Variants in PLXNA4 observed in about 807,000 individuals in gnomAD.
The protein encoded by PLXNA4 is plexin-A4.
In PLXNA4, 44 loss-of-function variants were observed where a neutral mutation model predicts 191.8. The ratio of observed to expected loss-of-function variants is 0.23; its 90% CI spans 0.18 to 0.29. The LOEUF is 0.29. Among genes scored for constraint, PLXNA4 ranks in the 10% least tolerant of loss-of-function variants. The probability of loss-of-function intolerance (pLI) is 1.00; values close to 1 mark genes in which losing one functional copy is unlikely to be tolerated. For synonymous variants in PLXNA4, 1,082 were observed against 1,009.5 expected (o/e 1.07, Z -1.36); for missense variants, 1,800 against 2,488.8 (o/e 0.72, Z 5.89).
intron 3 of PLXNA4, among the ~76,000 whole-genome samples, chr7:132,406,626 CA>C (rs998648456): frequency 6.7e-6 from 1 of 149,634 alleles, no homozygotes; most frequent in African/African-American, 2.5e-5. Flanking sequence ...TTTATAAAAC[CA>C]AAAAAAAAGA....
intron 1 of PLXNA4, among the ~76,000 whole-genome samples, chr7:132,566,486 A>T (rs928776619): frequency 6.6e-6 from 1 of 152,208 alleles, no homozygotes; most frequent in Non-Finnish European, 1.5e-5. Context: ...TCTTCCCAAG[A>T]GAAAATTTGT....
chr7:132,349,619 C>T (rs917153307), intron 3 of PLXNA4, among the ~76,000 whole-genome samples: 1 of 152,146 alleles, frequency 6.6e-6, no homozygotes, highest in Non-Finnish European at 1.5e-5. Context: ...GGAGCTCATC[C>T]TAATAATGAA....
intron 3 of PLXNA4, among the ~76,000 whole-genome samples, chr7:132,329,846 G>T (rs1447188535): frequency 6.6e-6 from 1 of 152,104 alleles, no homozygotes; most frequent in African/African-American, 2.4e-5. Flanking sequence ...CCTAGGCCTG[G>T]TCATTCTGAG....
intron 3 of PLXNA4, among the ~76,000 whole-genome samples, chr7:132,337,935 T>C (rs892999692): frequency 1.3e-5 from 2 of 152,228 alleles, no homozygotes; most frequent in African/African-American, 4.8e-5. Context: ...GAAGTTCTGC[T>C]GACTGTCTGC....
At chr7:132,145,036 G>A (rs1795377507) in intron 29 of PLXNA4, 83 bp downstream of exon 29, 1 of 1,599,876 alleles carries the variant, frequency 6.3e-7, no homozygotes. Flanking sequence ...CCTTCTCCTG[G>A]AGGCCCAGAG....
intron 1 of PLXNA4, among the ~76,000 whole-genome samples, chr7:132,547,921 C>G (rs1800381191): frequency 6.6e-6 from 1 of 152,142 alleles, no homozygotes; most frequent in African/African-American, 2.4e-5. Context: ...ATCCCAAGAC[C>G]ACTATGACCA....
At chr7:132,284,753 A>T (rs1247097908) in intron 4 of PLXNA4, among the ~76,000 whole-genome samples, 3 of 152,214 alleles carry the variant, frequency 2.0e-5, no homozygotes, top group African/African-American at 7.2e-5. Flanking sequence ...GAATGATGGA[A>T]GAAAAATATT....
chr7:132,637,268 CT>C, intron 2 of PLXNA4, among the ~76,000 whole-genome samples: 1 of 152,202 alleles, frequency 6.6e-6, no homozygotes, highest in African/African-American at 2.4e-5. Context: ...GATGAATTAC[CT>C]TCTTGATCTC....
At chr7:132,354,233 A>G (rs529783343) in intron 3 of PLXNA4, among the ~76,000 whole-genome samples, 11 of 152,210 alleles carry the variant, frequency 7.2e-5, no homozygotes, top group African/African-American at 2.6e-4. Flanking sequence ...GCCTGTGCAT[A>G]TTAAGGGGTT....
At chr7:132,172,453 C>T (rs1311160286) in intron 21 of PLXNA4, among the ~76,000 whole-genome samples, 1 of 152,180 alleles carries the variant, frequency 6.6e-6, no homozygotes, top group Non-Finnish European at 1.5e-5. Context: ...TCCTTCTTCA[C>T]ACTTCCAGAG....
intron 3 of PLXNA4, among the ~76,000 whole-genome samples, chr7:132,450,289 C>T (rs1486720439): frequency 6.6e-6 from 1 of 152,206 alleles, no homozygotes; most frequent in East Asian, 1.9e-4. Flanking sequence ...CTGGCCTCTA[C>T]TCTTCCTCAG....
In PLXNA4 at chr7:132,386,755, T is replaced by C. The variant is rs184714107; in HGVS notation, c.1372-88533A>G. The stretch of plus-strand genomic sequence containing the variant: ...GATGAGGATATTCCAGGGACCTGGC[T>C]CGAGAGCCTCAGCAGGGATCATGTT... On this transcript the variant is annotated intron_variant, in intron 3 of 31. Coordinates refer to ENST00000321063, the MANE Select transcript of PLXNA4 (RefSeq NM_020911.2). Among the ~76,000 whole-genome samples, 384 of 152,282 alleles carry C rather than the reference T, an allele frequency of 2.5e-3. 1 individual carries two copies. Among genetic ancestry groups the C allele is most frequent in the African/African-American group, 8.8e-3 (365 of 41,546 alleles).
rs529088239 is a variant in PLXNA4 at position 132,454,914 on chromosome 7, T to A, written c.1371+34378A>T. On this transcript the variant is annotated intron_variant, in intron 3 of 31. Transcript: ENST00000321063. ...TGCTATGGCAGCCTTAGCAAACTCA[T>A]CCAGATCTCTTCCTGTCCTACGGTG... Among the ~76,000 whole-genome samples the A allele has an allele frequency of 4.6e-5, 7 of 152,306 alleles. No individual in the cohort carries two copies. The East Asian group carries it at 1.4e-3, about 29-fold the overall frequency.
At chr7:132,568,027 C>T (rs1392045952) in intron 1 of PLXNA4, among the ~76,000 whole-genome samples, 1 of 152,126 alleles carries the variant, frequency 6.6e-6, no homozygotes, top group Non-Finnish European at 1.5e-5. Flanking sequence ...ACAAGCACAG[C>T]ATGACCATTA....
At chr7:132,480,093 C>T (rs558890803) in intron 3 of PLXNA4, among the ~76,000 whole-genome samples, 14 of 152,344 alleles carry the variant, frequency 9.2e-5, no homozygotes, top group East Asian at 7.7e-4. Context: ...AAAGCCAACA[C>T]GGCCTCAGGC....
At chr7:132,404,285 A>T (rs886677572) in intron 3 of PLXNA4, among the ~76,000 whole-genome samples, 4 of 152,198 alleles carry the variant, frequency 2.6e-5, no homozygotes, top group Non-Finnish European at 5.9e-5. Flanking sequence ...GTCCCAAGAA[A>T]GCTTTCCAAA....
Position 132,576,387 on chromosome 7 carries a change from G to A in PLXNA4, c.-87+35C>T, listed in dbSNP as rs1371446476. ...TCCGACCTTGCTGCCCTCGCCGCCC[G>A]CCCGGCCCCACTCCCCGGCGGGCCG... On this transcript the variant is annotated intron_variant, in intron 1 of 31. Transcript: ENST00000321063. The surrounding 1 kb of genome is among the most constrained non-coding windows in gnomAD (Gnocchi z 5.8). 34 of 985,620 alleles carry A rather than the reference G, an allele frequency of 3.4e-5. No individual in the cohort carries two copies. Among genetic ancestry groups the A allele is most frequent in the Non-Finnish European group, 3.9e-5 (32 of 829,982 alleles). 61.1% of individuals were successfully genotyped at this position (985,620 alleles called of 1,614,324 possible).
At chr7:132,516,454 T>C (rs1408480413) in intron 1 of PLXNA4, among the ~76,000 whole-genome samples, 1 of 152,052 alleles carries the variant, frequency 6.6e-6, no homozygotes, top group Non-Finnish European at 1.5e-5. Context: ...AGGAAATCAG[T>C]ATGGACCTGG....
At chr7:132,262,104 C>G (rs1382534171) in intron 4 of PLXNA4, among the ~76,000 whole-genome samples, 1 of 152,196 alleles carries the variant, frequency 6.6e-6, no homozygotes, top group Admixed American at 6.5e-5. Context: ...CCCGGGTTGC[C>G]CCCCTTTCCC....
Sources: allele counts gnomAD v4.1 joint callset (sites outside exome capture counted in the v4.1 genomes callset), GRCh38; gene constraint gnomAD v4.1.1; non-coding constraint Gnocchi (gnomAD v3.1); transcripts MANE v1.5; gene names NCBI Gene and HGNC (gene_info 2026-07-23, HGNC 2026-07-21).